The following SLC22A11 variants were observed in gnomAD, a reference collection of about 807,000 sequenced individuals.
SLC22A11 encodes the protein organic anion transporter 4.
Under a neutral mutation model 49.4 loss-of-function variants are expected in SLC22A11, and 42 were observed. That is an observed-to-expected ratio of 0.85 (90% CI 0.66 to 1.10). The LOEUF is 1.10. SLC22A11 is among the 50% of genes least tolerant of loss of function. The probability of loss-of-function intolerance (pLI) is 0.00; values close to 1 mark genes in which losing one functional copy is unlikely to be tolerated. For missense variants in SLC22A11, 685 were observed against 731.6 expected, an observed-to-expected ratio of 0.94 and a Z score of 0.74; for synonymous variants, 304 against 315.8, an observed-to-expected ratio of 0.96 and a Z score of 0.40.
chr11:64,565,217 G>A lies in SLC22A11; in HGVS notation c.943-5G>A, dbSNP rs752130576. ...CATTCACGGTGCCCCCATTCTCCCC[G>A]GAAGGTGCTGATGTCCAGCGTGAAG... is the stretch of plus-strand genomic sequence containing the variant. On this transcript the variant is annotated splice_polypyrimidine_tract_variant and splice_region_variant and intron_variant, in intron 5 of 9. Transcript: ENST00000301891. This position sits in a 1 kb window ranked among gnomAD's most constrained non-coding sequence, Gnocchi z 4.1. The A allele has an allele frequency of 5.2e-6, 8 of 1,529,310 alleles. No homozygotes were observed. Among genetic ancestry groups the A allele is most frequent in the Non-Finnish European group, 7.1e-6 (8 of 1,133,398 alleles). The allele number at this position is 1,529,310 out of a possible 1,614,324, so 94.7% of individuals were successfully genotyped here. A position where few individuals can be genotyped will look rare whatever the true frequency, so the allele number is the denominator to read the frequency against.
Position 64,564,230 on chromosome 11 carries a change from G to C in SLC22A11, c.822-78G>C. 1 of 1,575,956 alleles carries C rather than the reference G, an allele frequency of 6.3e-7. No individual in the cohort carries two copies. The highest frequency in any genetic ancestry group is 1.3e-5 in the African/African-American group (1 of 74,318). ...ATCACTCATCTCAGCTGGAGGGTCC[G>C]TGCCCACTGCCCCTTTCCACCCCGC... On this transcript the variant is annotated intron_variant, in intron 4 of 9. Transcript: ENST00000301891. This position sits in a 1 kb window ranked among gnomAD's most constrained non-coding sequence, Gnocchi z 4.2.
At chr11:64,563,609 C>T (rs1400002504) in intron 4 of SLC22A11, among the ~76,000 whole-genome samples, 1 of 16,408 alleles carries the variant, frequency 6.1e-5, no homozygotes, top group Non-Finnish European at 1.5e-4. Context: ...TTTAAATGTG[C>T]TAAAAAAAAA....
chr11:64,572,422 T>C lies in SLC22A11; in HGVS notation c.*1380T>C, dbSNP rs958511454. 1 of 152,302 alleles carries C rather than the reference T, an allele frequency of 6.6e-6. No homozygotes were observed. The highest frequency in any genetic ancestry group is 1.5e-5 in the Non-Finnish European group (1 of 68,140). 9.4% of individuals were successfully genotyped at this position (152,302 alleles called of 1,614,324 possible). On this transcript the variant is annotated 3_prime_UTR_variant, in exon 10 of 10. Transcript: ENST00000301891. ...CGTCTCCAACCCTCCATGCCACTGA[T>C]ATCTGTGGCCCTGCCACAAAGTTAC...
Position 64,564,108 on chromosome 11 carries a change from G to A in SLC22A11, c.822-200G>A, listed in dbSNP as rs1253876294. On this transcript the variant is annotated intron_variant, in intron 4 of 9. Coordinates refer to ENST00000301891, the MANE Select transcript of SLC22A11 (RefSeq NM_018484.4). The surrounding 1 kb of genome is among the most constrained non-coding windows in gnomAD (Gnocchi z 4.2). ...ATGGAGGTGGCTCGCTTGGGAAGGT[G>A]GGCGGCCAGGCATTGGGACTCAGCT... 6.6e-6 allele frequency among the ~76,000 whole-genome samples: 1 copy of A among 152,140 alleles called. No individual in the cohort carries two copies. Among genetic ancestry groups the A allele is most frequent in the East Asian group, 1.9e-4 (1 of 5,174 alleles).
At chr11:64,567,572 G>A (rs1313795276) in intron 6 of SLC22A11, 27 bp from the exon 7 acceptor site, 35 of 1,609,428 alleles carry the variant, frequency 2.2e-5, no homozygotes, top group Non-Finnish European at 2.9e-5. Context: ...GGCAGGGCAG[G>A]GACCTGACTT....
rs200043601 is a variant in SLC22A11, at chr11:64,556,184, C to G, written c.185C>G (p.Thr62Arg). ...HMLDNGSAVS[T>R]NMTPKALLTI... ...CTGGACAATGGCTCTGCGGTTTCCA[C>G]AAACATGACCCCCAAGGCCCTTCTG... The change falls in exon 1 of 10, where the codon ACA (threonine) becomes AGA (arginine). Residue 62 changes from threonine to arginine, a missense_variant. By Grantham distance (71) the Thr-to-Arg change is moderately conservative. Coordinates refer to ENST00000301891, the MANE Select transcript of SLC22A11 (RefSeq NM_018484.4). 8.4e-4 allele frequency: 1,358 copies of G among 1,614,204 alleles called. 23 individuals are homozygous for G. The South Asian group carries it at 0.014, about 17-fold the overall frequency.
chr11:64,568,618 C>T (rs2038661292), intron 7 of SLC22A11, 52 bp from the exon 8 acceptor site: 1 of 1,487,974 alleles, frequency 6.7e-7, no homozygotes, highest in Non-Finnish European at 9.4e-7. Context: ...ACTGACTAGC[C>T]CCTGGGTACC....
chr11:64,567,748 C>A lies in SLC22A11; in HGVS notation c.1208C>A (p.Thr403Asn). Residue 403 changes from threonine (T) to asparagine (N), a missense_variant, in exon 7 of 10, where the codon ACC (threonine) becomes AAC (asparagine). Transcript: ENST00000301891. Reference protein sequence around the residue: ...ALLLSFLGRRTIQAGSQAMAG... With the variant: ...ALLLSFLGRRNIQAGSQAMAG... ...TTGCTCAGTTTCCTTGGCCGCCGCA[C>A]CATCCAGGCGGGTTCCCAGGCCATG... is the stretch of plus-strand genomic sequence containing the variant. The A allele has an allele frequency of 1.2e-6, 2 of 1,613,180 alleles. No individual in the cohort carries two copies. The highest frequency in any genetic ancestry group is 1.7e-6 in the Non-Finnish European group (2 of 1,179,908).
Position 64,564,407 on chromosome 11 carries a change from G to A in SLC22A11, c.921G>A (p.Glu307=), listed in dbSNP as rs778313695. Residue 307 remains glutamate (E), a synonymous_variant, in exon 5 of 10, where the codon GAG becomes GAA. Coordinates refer to ENST00000301891, the MANE Select transcript of SLC22A11 (RefSeq NM_018484.4). The surrounding 1 kb of genome is among the most constrained non-coding windows in gnomAD (Gnocchi z 4.2). The part of the protein sequence containing the change: ...RKVARINGHK[E]AKNLTIEVLM... ...TGGCCAGGATAAATGGCCACAAGGA[G>A]GCCAAGAACCTGACCATAGAGGTGA... 7.4e-6 allele frequency: 12 copies of A among 1,613,976 alleles called. No individual in the cohort carries two copies. The highest frequency in any genetic ancestry group is 9.3e-6 in the Non-Finnish European group (11 of 1,179,990).
In SLC22A11 at chr11:64,565,407, G is replaced by T; in HGVS notation, c.1058+70G>T. ...CAGGAGGCAGAGCTGGGACAGGCAG[G>T]AGGCAGAGCGTCCAGGGGAAACAGC... On this transcript the variant is annotated intron_variant, in intron 6 of 9. Transcript: ENST00000301891. The surrounding 1 kb of genome is among the most constrained non-coding windows in gnomAD (Gnocchi z 4.1). The T allele has an allele frequency of 7.6e-7, 1 of 1,307,192 alleles. No homozygotes were observed. The highest frequency in any genetic ancestry group is 1.3e-5 in the South Asian group (1 of 78,946). The allele number at this position is 1,307,192 out of a possible 1,614,324, so 81.0% of individuals were successfully genotyped here. A position where few individuals can be genotyped will look rare whatever the true frequency, so the allele number is the denominator to read the frequency against.
At position 64,569,701 on chromosome 11, in the gene SLC22A11, A is replaced by T; in HGVS notation, c.1432A>T (p.Met478Leu). The T allele has an allele frequency of 6.2e-7, 1 of 1,614,064 alleles. No homozygotes were observed. The highest frequency in any genetic ancestry group is 8.5e-7 in the Non-Finnish European group (1 of 1,180,006). Residue 478 changes from methionine (M) to leucine (L), a missense_variant, in exon 9 of 10, where the codon ATG becomes TTG. Transcript: ENST00000301891. ...LHTVGRLGAM[M>L]GPLILMSRQA... ...TACAGTGGGCCGGCTGGGGGCTATG[A>T]TGGGTCCCCTGATCCTGATGAGCCG...
rs1192704891 is a variant in SLC22A11 at position 64,565,624 on chromosome 11, A to T, written c.1058+287A>T. The T allele has an allele frequency of 7.8e-6, 4 of 510,818 alleles. No homozygotes were observed. The highest frequency in any genetic ancestry group is 1.5e-5 in the Non-Finnish European group (4 of 263,854). The allele number at this position is 510,818 out of a possible 1,614,324, so 31.6% of individuals were successfully genotyped here. ...GGGTCCCAGGGAGGTCCCAAGACAG[A>T]GGCAGAGCCAGGGTCCCTAGAGCCA... On this transcript the variant is annotated intron_variant, in intron 6 of 9. Coordinates refer to ENST00000301891, the MANE Select transcript of SLC22A11 (RefSeq NM_018484.4). The surrounding 1 kb of genome is among the most constrained non-coding windows in gnomAD (Gnocchi z 4.1).
At position 64,571,121 on chromosome 11, in the gene SLC22A11, C is replaced by T. The variant is rs781193116; in HGVS notation, c.*79C>T. 3.9e-5 allele frequency: 58 copies of T among 1,496,190 alleles called. No individual in the cohort carries two copies. The highest frequency in any genetic ancestry group is 5.7e-5 in the South Asian group (5 of 87,992). 92.7% of individuals were successfully genotyped at this position (1,496,190 alleles called of 1,614,324 possible). ...CTCTTCTCCAATCAGAGCGTGGAGGCGAGTTGGGCGACTTCAAGGGCCTGG... is the reference window on the plus strand; with the variant it reads ...CTCTTCTCCAATCAGAGCGTGGAGGTGAGTTGGGCGACTTCAAGGGCCTGG... On this transcript the variant is annotated 3_prime_UTR_variant, in exon 10 of 10. Transcript: ENST00000301891.
intron 7 of SLC22A11, among the ~76,000 whole-genome samples, chr11:64,568,014 A>T: frequency 6.6e-6 from 1 of 152,224 alleles, no homozygotes; most frequent in East Asian, 1.9e-4. Flanking sequence ...GGAAAGGGAC[A>T]GGGCGGCACG....
Position 64,566,199 on chromosome 11 carries a change from T to G in SLC22A11, c.1058+862T>G, listed in dbSNP as rs527254633. 2.0e-5 allele frequency: 3 copies of G among 152,012 alleles called. No homozygotes were observed. The East Asian group carries it at 5.8e-4, about 29-fold the overall frequency. 9.4% of individuals were successfully genotyped at this position (152,012 alleles called of 1,614,324 possible). A position where few individuals can be genotyped will look rare whatever the true frequency, so the allele number is the denominator to read the frequency against. On this transcript the variant is annotated intron_variant, in intron 6 of 9. Coordinates refer to ENST00000301891, the MANE Select transcript of SLC22A11 (RefSeq NM_018484.4). ...AGATAGAGGCTGCACTGAGCTGAGA[T>G]TGTGCTACTGCACTCCAGCCTGGGC...
intron 2 of SLC22A11, 137 bp downstream of exon 2, chr11:64,559,375 C>T: frequency 1.4e-6 from 1 of 695,278 alleles, no homozygotes; most frequent in Non-Finnish European, 2.2e-6. Flanking sequence ...TTTCTTCCCT[C>T]CCCTGGCCAT....
chr11:64,563,093 T>C lies in SLC22A11; in HGVS notation c.821+658T>C, dbSNP rs140047729. 6.5e-3 allele frequency among the ~76,000 whole-genome samples: 984 copies of C among 152,256 alleles called. 7 individuals are homozygous for C. Among genetic ancestry groups the C allele is most frequent in the African/African-American group, 0.022 (929 of 41,540 alleles). ...GACAGGTGCAGAGGGTCTTAGGTGC[T>C]GGGGACACACAAGTGAACAAAACAG... On this transcript the variant is annotated intron_variant, in intron 4 of 9. Transcript: ENST00000301891.
At chr11:64,556,490 C>T (rs1348602502) in intron 1 of SLC22A11, 98 bp downstream of exon 1, 5 of 1,510,754 alleles carry the variant, frequency 3.3e-6, no homozygotes, top group African/African-American at 1.4e-5. Context: ...TGGGAGGGAC[C>T]CGCCTCCTCT....
intron 1 of SLC22A11, 43 bp downstream of exon 1, chr11:64,556,435 G>T: frequency 6.3e-7 from 1 of 1,596,740 alleles, no homozygotes; most frequent in Non-Finnish European, 8.5e-7. Flanking sequence ...TCACCTTGGA[G>T]GTCAGAGTCA....
Sources: allele counts gnomAD v4.1 joint callset (sites outside exome capture counted in the v4.1 genomes callset), GRCh38; gene constraint gnomAD v4.1.1; non-coding constraint Gnocchi (gnomAD v3.1); transcripts MANE v1.5; gene names NCBI Gene and HGNC (gene_info 2026-07-23, HGNC 2026-07-21).